Variants in NXPE2 observed in about 807,000 individuals in gnomAD.
NXPE2 encodes neurexophilin and PC-esterase domain family member 2.
In NXPE2, 34 loss-of-function variants were observed where a neutral mutation model predicts 34.4. The observed-to-expected ratio is 0.99, with a 90% CI of 0.75 to 1.31. The LOEUF is 1.31. Among genes scored for constraint, NXPE2 ranks in the 40% most tolerant of loss-of-function variants. NXPE2 has a pLI of 0.00. For synonymous variants in NXPE2, 235 were observed against 231.3 expected, an observed-to-expected ratio of 1.02 and a Z score of -0.15; for missense variants, 649 against 672.5, an observed-to-expected ratio of 0.97 and a Z score of 0.39.
At chr11:114,539,209 C>A in the NXPE2 span, among the ~76,000 whole-genome samples, 64 of 148,848 alleles carry the variant, frequency 4.3e-4, 1 homozygote, top group East Asian at 6.2e-3. Flanking sequence ...CGCATGTTCT[C>A]ACTCATAGGT....
the NXPE2 span, among the ~76,000 whole-genome samples, chr11:114,787,340 G>A: frequency 5.9e-5 from 9 of 152,250 alleles, no homozygotes; most frequent in East Asian, 1.9e-4. Flanking sequence ...AGCCTCCTCC[G>A]TGGGTGCCTG....
chr11:114,495,174 C>T, the NXPE2 span, among the ~76,000 whole-genome samples: 1 of 152,148 alleles, frequency 6.6e-6, no homozygotes, highest in African/African-American at 2.4e-5. Context: ...GAAACCAGCA[C>T]AGCACTGGGT....
chr11:114,801,492 T>C, the NXPE2 span, among the ~76,000 whole-genome samples: 1 of 152,228 alleles, frequency 6.6e-6, no homozygotes, highest in Non-Finnish European at 1.5e-5. Flanking sequence ...TGGATTTTAT[T>C]AATTATTGTA....
chr11:114,767,689 C>T, the NXPE2 span, among the ~76,000 whole-genome samples: 1 of 152,152 alleles, frequency 6.6e-6, no homozygotes, highest in African/African-American at 2.4e-5. Flanking sequence ...GTCCTGTCCA[C>T]CTCATAGAGA....
chr11:114,678,662 A>T, intron 1 of NXPE2, 61 bp downstream of exon 1: 1 of 1,336,966 alleles, frequency 7.5e-7, no homozygotes, highest in South Asian at 1.3e-5. Context: ...GGAGAACTAT[A>T]GACCATTTGG....
At chr11:114,611,776 T>C in the NXPE2 span, among the ~76,000 whole-genome samples, 2 of 151,924 alleles carry the variant, frequency 1.3e-5, no homozygotes, top group Admixed American at 6.6e-5. Flanking sequence ...TAACCACTGT[T>C]ACCCGGTGGA....
At chr11:114,696,166 A>C (rs1951248645) in intron 2 of NXPE2, among the ~76,000 whole-genome samples, 1 of 151,690 alleles carries the variant, frequency 6.6e-6, no homozygotes, top group Non-Finnish European at 1.5e-5. Flanking sequence ...GTAAAACCCC[A>C]CCTCTATGAA....
chr11:114,724,724 A>G, the NXPE2 span, among the ~76,000 whole-genome samples: 7 of 151,920 alleles, frequency 4.6e-5, no homozygotes, highest in Non-Finnish European at 7.4e-5. Flanking sequence ...GGATGCCTCA[A>G]TTATGCCTCT....
the NXPE2 span, chr11:114,522,814 A>T: frequency 1.8e-6 from 2 of 1,142,390 alleles, no homozygotes; most frequent in East Asian, 4.7e-5. Context: ...GAGAGAATAG[A>T]GACCTCATTA....
chr11:114,736,028 C>G, the NXPE2 span, among the ~76,000 whole-genome samples: 1 of 152,068 alleles, frequency 6.6e-6, no homozygotes, highest in Non-Finnish European at 1.5e-5. Flanking sequence ...GCCATAAAAC[C>G]AGCAAGGGGA....
At chr11:114,705,427 T>C (rs1255822504) in intron 4 of NXPE2, among the ~76,000 whole-genome samples, 2 of 152,196 alleles carry the variant, frequency 1.3e-5, no homozygotes, top group African/African-American at 4.8e-5. Flanking sequence ...ATTGGTGTAA[T>C]ATTTGGCAGG....
chr11:114,492,028 A>G, the NXPE2 span, among the ~76,000 whole-genome samples: 18 of 152,096 alleles, frequency 1.2e-4, no homozygotes, highest in East Asian at 3.3e-3. Context: ...GGGAGGGGGG[A>G]CGGATAGCAT....
the NXPE2 span, among the ~76,000 whole-genome samples, chr11:114,597,907 A>G: frequency 1.3e-5 from 2 of 152,168 alleles, no homozygotes; most frequent in African/African-American, 2.4e-5. Context: ...TTCAAAATAC[A>G]ATCATGCCTT....
the NXPE2 span, among the ~76,000 whole-genome samples, chr11:114,621,415 GATA>G: frequency 1.6e-4 from 25 of 152,168 alleles, no homozygotes; most frequent in African/African-American, 4.3e-4. Flanking sequence ...TTACCCTGTG[GATA>G]ATAAGTATTG....
At chr11:114,564,169 C>T in the NXPE2 span, among the ~76,000 whole-genome samples, 6 of 152,062 alleles carry the variant, frequency 3.9e-5, no homozygotes, top group Non-Finnish European at 8.8e-5. Flanking sequence ...TGGATAGAGT[C>T]GAAGCCTATT....
At chr11:114,579,875 G>A in the NXPE2 span, among the ~76,000 whole-genome samples, 1 of 152,146 alleles carries the variant, frequency 6.6e-6, no homozygotes, top group African/African-American at 2.4e-5. Flanking sequence ...AGTTTTTGGA[G>A]CCTACTGGGT....
the NXPE2 span, among the ~76,000 whole-genome samples, chr11:114,756,394 G>GTA: frequency 2.0e-5 from 3 of 152,156 alleles, no homozygotes; most frequent in Non-Finnish European, 2.9e-5. Context: ...ATGAAAAAAG[G>GTA]TAAAATTATT....
At chr11:114,608,141 T>C in the NXPE2 span, among the ~76,000 whole-genome samples, 57 of 151,676 alleles carry the variant, frequency 3.8e-4, 1 homozygote, top group Admixed American at 3.5e-3. Context: ...TATTGCCTCA[T>C]GGGTAACCAG....
chr11:114,554,459 A>G, the NXPE2 span: 2 of 813,696 alleles, frequency 2.5e-6, no homozygotes, highest in Non-Finnish European at 1.5e-6. Context: ...AATCAGTCCT[A>G]TGACCTCTTT....
Sources: allele counts gnomAD v4.1 joint callset (sites outside exome capture counted in the v4.1 genomes callset), GRCh38; gene constraint gnomAD v4.1.1; transcripts MANE v1.5; gene names NCBI Gene and HGNC (gene_info 2026-07-23, HGNC 2026-07-21).